Variants in SH3GL3 observed in about 807,000 individuals in gnomAD.
The protein encoded by SH3GL3 is endophilin-A3.
Under a neutral mutation model 47.7 loss-of-function variants are expected in SH3GL3, and 33 were observed. The observed-to-expected ratio is 0.69, with a 90% CI of 0.52 to 0.92. SH3GL3 has a LOEUF of 0.92. Among genes scored for constraint, SH3GL3 ranks in the 40% least tolerant of loss-of-function variants. The probability of loss-of-function intolerance (pLI) is 0.00; values close to 1 mark genes in which losing one functional copy is unlikely to be tolerated. For missense variants in SH3GL3, 363 were observed against 417.8 expected, an observed-to-expected ratio of 0.87 and a Z score of 1.14; for synonymous variants, 155 against 148.8, an observed-to-expected ratio of 1.04 and a Z score of -0.30.
At chr15:83,613,645 ATC>A (rs2060732573) in intron 8 of SH3GL3, among the ~76,000 whole-genome samples, 1 of 148,278 alleles carries the variant, frequency 6.7e-6, no homozygotes, top group African/African-American at 2.6e-5. Context: ...CTATCTATCT[ATC>A]TATCTATCTA....
At chr15:83,593,830 T>C (rs78992019) in intron 8 of SH3GL3, among the ~76,000 whole-genome samples, 1 of 150,414 alleles carries the variant, frequency 6.6e-6, no homozygotes, top group African/African-American at 2.5e-5. Flanking sequence ...TTTTTTTTTT[T>C]CTTTTTGAGA....
chr15:83,592,381 C>T (rs1445971672), intron 8 of SH3GL3, among the ~76,000 whole-genome samples: 2 of 152,116 alleles, frequency 1.3e-5, no homozygotes, highest in Non-Finnish European at 2.9e-5. Flanking sequence ...TTTAAATTGC[C>T]TACTCACGGA....
intron 1 of SH3GL3, among the ~76,000 whole-genome samples, chr15:83,486,231 CT>C (rs142241762): frequency 2.6e-5 from 4 of 151,942 alleles, no homozygotes; most frequent in Admixed American, 6.6e-5. Flanking sequence ...TCTTATACTG[CT>C]TTTTTTTAAA....
At chr15:83,613,620 AATCTATCTATCTATCTATCTATCTATCT>A (rs71453208) in intron 8 of SH3GL3, among the ~76,000 whole-genome samples, 1 of 146,808 alleles carries the variant, frequency 6.8e-6, no homozygotes, top group South Asian at 2.3e-4. Flanking sequence ...GAAATATATA[AATCTATCTATCTATCTATCTATCTATCT>A]ATCTATCTAT....
chr15:83,554,250 C>T (rs529342153), intron 1 of SH3GL3, among the ~76,000 whole-genome samples: 48 of 152,082 alleles, frequency 3.2e-4, no homozygotes, highest in African/African-American at 9.6e-4. Context: ...TGCAATGGCG[C>T]GATCCCGGCT....
At chr15:83,456,629 C>G (rs964316803) in intron 1 of SH3GL3, among the ~76,000 whole-genome samples, 3 of 136,954 alleles carry the variant, frequency 2.2e-5, no homozygotes, top group Non-Finnish European at 4.7e-5. Context: ...TGACCCCTTG[C>G]GCTTCCCAGG....
Position 83,448,497 on chromosome 15 carries a change from T to C in SH3GL3, c.45+919T>C, listed in dbSNP as rs984418531. On this transcript the variant is annotated intron_variant, in intron 1 of 8. Transcript: ENST00000427482. This position sits in a 1 kb window ranked among gnomAD's most constrained non-coding sequence, Gnocchi z 4.2. ...GTGTGTGTGTTGATGACAAGCAAAT[T>C]TGTTTTTCAACATCAACATTGCAGG... is the stretch of plus-strand genomic sequence containing the variant. Among the ~76,000 whole-genome samples, 1 of 144,732 alleles carries C rather than the reference T, an allele frequency of 6.9e-6. No individual in the cohort carries two copies. Among genetic ancestry groups the C allele is most frequent in the African/African-American group, 2.6e-5 (1 of 37,904 alleles). 94.9% of individuals were successfully genotyped at this position (144,732 alleles called of 152,430 possible). A position where few individuals can be genotyped will look rare whatever the true frequency, so the allele number is the denominator to read the frequency against.
chr15:83,533,700 G>C (rs1205954802), intron 1 of SH3GL3, among the ~76,000 whole-genome samples: 2 of 152,168 alleles, frequency 1.3e-5, no homozygotes, highest in Non-Finnish European at 2.9e-5. Flanking sequence ...TCTTACCCCA[G>C]AGTTTCTTGC....
intron 1 of SH3GL3, among the ~76,000 whole-genome samples, chr15:83,536,400 C>A (rs992467826): frequency 1.5e-4 from 22 of 144,750 alleles, no homozygotes; most frequent in Non-Finnish European, 3.0e-4. Flanking sequence ...CTTTTCTTTT[C>A]TTTTCTTTTT....
At chr15:83,498,386 C>T (rs2042164193) in intron 1 of SH3GL3, among the ~76,000 whole-genome samples, 1 of 152,110 alleles carries the variant, frequency 6.6e-6, no homozygotes, top group Admixed American at 6.6e-5. Context: ...AGCATATCTT[C>T]CTTAAAGGAT....
intron 6 of SH3GL3, among the ~76,000 whole-genome samples, chr15:83,580,783 G>T (rs1016757421): frequency 1.8e-4 from 27 of 152,278 alleles, no homozygotes; most frequent in African/African-American, 6.5e-4. Flanking sequence ...GCTGAAGCTG[G>T]GTGAGTGGGA....
intron 1 of SH3GL3, among the ~76,000 whole-genome samples, chr15:83,532,465 C>T (rs1217796742): frequency 6.6e-6 from 1 of 151,902 alleles, no homozygotes; most frequent in Non-Finnish European, 1.5e-5. Context: ...CTGCAGAGGC[C>T]AAGGGAAGGG....
At chr15:83,570,992 G>A (rs564777335) in intron 4 of SH3GL3, among the ~76,000 whole-genome samples, 11 of 152,242 alleles carry the variant, frequency 7.2e-5, no homozygotes, top group African/African-American at 2.4e-4. Flanking sequence ...CTCGGCAACC[G>A]AAAAAAACTT....
At chr15:83,582,193 A>C (rs2059846378) in intron 6 of SH3GL3, among the ~76,000 whole-genome samples, 1 of 152,236 alleles carries the variant, frequency 6.6e-6, no homozygotes, top group Non-Finnish European at 1.5e-5. Flanking sequence ...CTCACAACTT[A>C]CTAGTAGCAA....
intron 1 of SH3GL3, among the ~76,000 whole-genome samples, chr15:83,555,698 C>A (rs2044917301): frequency 6.6e-6 from 1 of 152,144 alleles, no homozygotes. Context: ...TTTTTCCCAG[C>A]CTCATTTGCT....
chr15:83,511,068 C>T (rs2042726910), intron 1 of SH3GL3, among the ~76,000 whole-genome samples: 1 of 152,076 alleles, frequency 6.6e-6, no homozygotes, highest in Non-Finnish European at 1.5e-5. Flanking sequence ...TTGCAGCACA[C>T]CAACATGGCA....
intron 4 of SH3GL3, 26 bp downstream of exon 4, chr15:83,568,698 G>A (rs1273387752): frequency 1.3e-6 from 2 of 1,595,330 alleles, no homozygotes; most frequent in Admixed American, 1.7e-5. Context: ...ATCAGCTGGG[G>A]GAGCTGAGAA....
At chr15:83,556,536 A>AACAAGTGCG (rs1220006516) in intron 1 of SH3GL3, among the ~76,000 whole-genome samples, 5 of 152,218 alleles carry the variant, frequency 3.3e-5, no homozygotes, top group Non-Finnish European at 7.3e-5. Context: ...GTAAAACCTG[A>AACAAGTGCG]ACAAGTGCGA....
intron 6 of SH3GL3, among the ~76,000 whole-genome samples, chr15:83,578,187 G>A (rs1190086466): frequency 1.3e-5 from 2 of 152,150 alleles, no homozygotes; most frequent in East Asian, 1.9e-4. Context: ...CAGGCAACAC[G>A]CAGCTGGGGG....
Sources: allele counts gnomAD v4.1 joint callset (sites outside exome capture counted in the v4.1 genomes callset), GRCh38; gene constraint gnomAD v4.1.1; non-coding constraint Gnocchi (gnomAD v3.1); transcripts MANE v1.5; gene names NCBI Gene and HGNC (gene_info 2026-07-23, HGNC 2026-07-21).